The following TSHR variants were observed in gnomAD, a reference collection of about 807,000 sequenced individuals.
TSHR encodes the protein thyroid stimulating hormone receptor.
TSHR carries 51 observed loss-of-function variants against 64.1 expected under a neutral mutation model. The ratio of observed to expected loss-of-function variants is 0.80; its 90% confidence interval spans 0.64 to 1.01. The LOEUF is 1.01. TSHR is among the 50% of genes least tolerant of loss of function. The pLI, the probability that TSHR is intolerant of heterozygous loss-of-function variation, is 0.00. For synonymous variants in TSHR, 361 were observed against 361.9 expected (o/e 1.00, Z 0.03); for missense variants, 877 against 942.8 (o/e 0.93, Z 0.91).
At chr14:80,982,722 A>G in intron 1 of TSHR, 1 of 845,576 alleles carries the variant, frequency 1.2e-6, no homozygotes, top group Non-Finnish European at 1.7e-6. Flanking sequence ...GCCCTCCTTC[A>G]TATATTGTTT....
At chr14:81,045,855 T>C (rs1885146344) in intron 1 of TSHR, among the ~76,000 whole-genome samples, 1 of 152,202 alleles carries the variant, frequency 6.6e-6, no homozygotes, top group Non-Finnish European at 1.5e-5. Context: ...TCTCTAATGA[T>C]AGTGTATATC....
chr14:80,992,889 C>T (rs1404919617), intron 1 of TSHR: 1 of 152,146 alleles, frequency 6.6e-6, no homozygotes, highest in Non-Finnish European at 1.5e-5. Flanking sequence ...TTAATACTAG[C>T]ATAGAATCAT....
At chr14:81,135,768 G>A (rs1891430242) in intron 8 of TSHR, among the ~76,000 whole-genome samples, 1 of 152,180 alleles carries the variant, frequency 6.6e-6, no homozygotes, top group Non-Finnish European at 1.5e-5. Context: ...ATTTTGAGTG[G>A]AGAGGCAGTG....
chr14:81,048,341 T>C (rs1885270629), intron 1 of TSHR, among the ~76,000 whole-genome samples: 1 of 152,194 alleles, frequency 6.6e-6, no homozygotes, highest in Admixed American at 6.5e-5. Flanking sequence ...CATTGATTCC[T>C]GGCCGGGATC....
In TSHR at chr14:81,143,394, C is replaced by T. The variant is rs1398524043; in HGVS notation, c.1336C>T (p.Leu446=). The T allele has an allele frequency of 6.2e-7, 1 of 1,614,234 alleles. No homozygotes were observed. The highest frequency in any genetic ancestry group is 2.2e-5 in the East Asian group (1 of 44,882). ...TATTCTCCTCACCAGCCACTACAAACTGAACGTCCCCCGCTTTCTCATGTG... is the reference window on the plus strand; with the variant it reads ...TATTCTCCTCACCAGCCACTACAAATTGAACGTCCCCCGCTTTCTCATGTG... The part of the protein sequence containing the change: ...LLILLTSHYK[L]NVPRFLMCNL... The change falls in exon 10 of 10, where the codon CTG becomes TTG. Residue 446 remains leucine, a synonymous_variant. Transcript: ENST00000298171.
chr14:81,096,512 C>T lies in TSHR; in HGVS notation c.546-127C>T, dbSNP rs575942478. On this transcript the variant is annotated intron_variant, in intron 6 of 9. Transcript: ENST00000298171. ...TACTGGAAAGTTTTCTTGTGGGATA[C>T]ATATGTGGGACCTGAAAAACCTTTA... is the stretch of plus-strand genomic sequence containing the variant. 616 of 863,424 alleles carry T rather than the reference C, an allele frequency of 7.1e-4. 4 individuals carry two copies. Among genetic ancestry groups the T allele is most frequent in the South Asian group, 3.5e-3 (245 of 70,178 alleles). The allele number at this position is 863,424 out of a possible 1,614,324, so 53.5% of individuals were successfully genotyped here.
intron 1 of TSHR, among the ~76,000 whole-genome samples, chr14:81,033,921 C>A (rs1468810915): frequency 6.6e-6 from 1 of 152,168 alleles, no homozygotes; most frequent in Non-Finnish European, 1.5e-5. Context: ...GATAAATCAT[C>A]TCCAGTTATG....
chr14:81,016,950 G>A (rs546718495), intron 1 of TSHR, among the ~76,000 whole-genome samples: 7 of 152,280 alleles, frequency 4.6e-5, no homozygotes, highest in African/African-American at 1.4e-4. Context: ...TTAGATGTGT[G>A]TTGGAAACCA....
chr14:80,999,926 C>CTTTTTTTTTTTTTTTTTTTTTTTTTTTT (rs887541689), intron 1 of TSHR, among the ~76,000 whole-genome samples: 2 of 142,872 alleles, frequency 1.4e-5, no homozygotes, highest in African/African-American at 2.6e-5. Flanking sequence ...AATTTTTTTT[C>CTTTTTTTTTTTTTTTTTTTTTTTTTTTT]TTTTTTTTCT....
intron 2 of TSHR, among the ~76,000 whole-genome samples, chr14:81,065,183 C>T (rs911352519): frequency 6.6e-6 from 1 of 152,130 alleles, no homozygotes; most frequent in South Asian, 2.1e-4. Flanking sequence ...AGGCCAGGCT[C>T]CTCCCCACTA....
At chr14:81,075,153 C>G (rs1019246996) in intron 3 of TSHR, among the ~76,000 whole-genome samples, 4 of 152,216 alleles carry the variant, frequency 2.6e-5, no homozygotes, top group Admixed American at 2.6e-4. Flanking sequence ...ATTGTTCAAA[C>G]AGTGTTCAAA....
Position 81,103,001 on chromosome 14 carries a change from T to A in TSHR, c.615-5374T>A. On this transcript the variant is annotated intron_variant, in intron 7 of 9. Coordinates refer to ENST00000298171, the MANE Select transcript of TSHR (RefSeq NM_000369.5). This position sits in a 1 kb window ranked among gnomAD's most constrained non-coding sequence, Gnocchi z 4.1. The stretch of plus-strand genomic sequence containing the variant: ...AAAACAATGCTCCATCATTCTACCC[T>A]AAGTTTCTGACTCCTAGTCAATAGA... The A allele has an allele frequency of 1.0e-6, 1 of 985,436 alleles. No individual in the cohort carries two copies. The highest frequency in any genetic ancestry group is 4.7e-5 in the South Asian group (1 of 21,294). The allele number at this position is 985,436 out of a possible 1,614,324, so 61.0% of individuals were successfully genotyped here. A position where few individuals can be genotyped will look rare whatever the true frequency, so the allele number is the denominator to read the frequency against.
intron 4 of TSHR, among the ~76,000 whole-genome samples, chr14:81,089,819 T>C (rs1479503664): frequency 6.6e-6 from 1 of 152,218 alleles, no homozygotes; most frequent in Non-Finnish European, 1.5e-5. Flanking sequence ...ATATACCTTA[T>C]GGAATCTCAC....
At chr14:81,032,643 G>T in intron 1 of TSHR, 1 of 422,502 alleles carries the variant, frequency 2.4e-6, no homozygotes, top group African/African-American at 2.1e-5. Context: ...GAATTGAACA[G>T]GAAGATAGAG....
chr14:81,102,154 T>G (rs1324357241), intron 7 of TSHR, among the ~76,000 whole-genome samples: 1 of 144,676 alleles, frequency 6.9e-6, no homozygotes, highest in African/African-American at 2.6e-5. Flanking sequence ...CCTGGGAGAC[T>G]GAGAGAGACT....
chr14:81,018,536 G>C (rs1354649965), intron 1 of TSHR, among the ~76,000 whole-genome samples: 2 of 152,204 alleles, frequency 1.3e-5, no homozygotes, highest in East Asian at 3.9e-4. Flanking sequence ...CTGTGTGGGG[G>C]ACACTGAGCA....
At chr14:80,963,723 G>T (rs1279056850) in intron 1 of TSHR, among the ~76,000 whole-genome samples, 1 of 151,934 alleles carries the variant, frequency 6.6e-6, no homozygotes, top group African/African-American at 2.4e-5. Context: ...GGTGTAGGGA[G>T]AGCCCCTCTG....
At chr14:81,082,737 G>T (rs1887999534) in intron 3 of TSHR, among the ~76,000 whole-genome samples, 1 of 152,102 alleles carries the variant, frequency 6.6e-6, no homozygotes, top group South Asian at 2.1e-4. Flanking sequence ...CAATAAATTG[G>T]CTGTGGCAGC....
intron 1 of TSHR, among the ~76,000 whole-genome samples, chr14:80,973,724 A>G (rs1887718350): frequency 6.6e-6 from 1 of 152,182 alleles, no homozygotes. Context: ...TCCTATTTCT[A>G]TCGATGTTTC....
Sources: gnomAD v4.1 joint callset for allele counts (sites outside exome capture counted in the v4.1 genomes callset) on GRCh38, gnomAD v4.1.1 for gene constraint, Gnocchi (gnomAD v3.1) non-coding constraint, MANE v1.5 for transcripts, NCBI Gene and HGNC (gene_info 2026-07-23, HGNC 2026-07-21) for gene names.